The following TBC1D32 variants were observed in gnomAD, a reference collection of about 807,000 sequenced individuals.
The protein encoded by TBC1D32 is TBC1 domain family member 32, also known as protein broad-minded.
TBC1D32 carries 151 observed loss-of-function variants against 170.3 expected under a neutral mutation model. The ratio of observed to expected loss-of-function variants is 0.89; its 90% CI spans 0.78 to 1.01. The LOEUF is 1.01. Among genes scored for constraint, TBC1D32 ranks in the 50% least tolerant of loss-of-function variants. TBC1D32 has a pLI of 0.00. For synonymous variants in TBC1D32, 498 were observed against 488.0 expected (o/e 1.02, Z -0.27); for missense variants, 1,464 against 1,457.1 (o/e 1.00, Z -0.08).
chr6:121,080,832 T>G lies in TBC1D32; in HGVS notation c.3713A>C (p.Glu1238Ala), dbSNP rs770444598. The G allele has an allele frequency of 1.9e-6, 3 of 1,613,954 alleles. No individual in the cohort carries two copies. In the East Asian group the frequency reaches 6.7e-5, roughly 36 times the overall value. Residue 1238 changes from glutamate to alanine, a missense_variant, in exon 32 of 32, where the codon GAA becomes GCA. Physicochemically the swap from Glu to Ala is moderately radical, Grantham distance 107. Around this residue, in one of 3 missense-constraint regions of TBC1D32, gnomAD observed 97 missense variants for 102.0 expected, o/e 0.95. Transcript: ENST00000398212. Reference protein sequence around the residue: ...SDYFEYMEILEQNYRTVLLRD... With the variant: ...SDYFEYMEILAQNYRTVLLRD... The stretch of plus-strand genomic sequence containing the variant: ...CAGCAGCACTGTTCGGTAGTTTTGT[T>G]CCAAAATTTCCATGTATTCAAAATA...
At chr6:121,205,031 TG>T in intron 22 of TBC1D32, 43 bp downstream of exon 22, 1 of 1,155,986 alleles carries the variant, frequency 8.7e-7, no homozygotes, top group African/African-American at 1.6e-5. Flanking sequence ...TTATTTTTTG[TG>T]GAACATAAAA....
chr6:121,092,921 T>A (rs1005321348), intron 30 of TBC1D32, among the ~76,000 whole-genome samples: 1 of 152,166 alleles, frequency 6.6e-6, no homozygotes, highest in East Asian at 1.9e-4. Flanking sequence ...ATTGAATTTT[T>A]GTTTTCCAGA....
At chr6:121,092,407 T>C (rs1223481076) in intron 30 of TBC1D32, among the ~76,000 whole-genome samples, 1 of 151,070 alleles carries the variant, frequency 6.6e-6, no homozygotes, top group Non-Finnish European at 1.5e-5. Context: ...ATACAAAATT[T>C]CCTTTTGTTT....
chr6:121,102,876 C>T (rs1482765308), intron 30 of TBC1D32, among the ~76,000 whole-genome samples: 1 of 152,108 alleles, frequency 6.6e-6, no homozygotes, highest in Non-Finnish European at 1.5e-5. Context: ...CTACAAAGAA[C>T]TCAAACAAAC....
intron 14 of TBC1D32, among the ~76,000 whole-genome samples, chr6:121,280,399 A>G (rs776489894): frequency 8.6e-5 from 13 of 151,830 alleles, no homozygotes; most frequent in African/African-American, 1.2e-4. Flanking sequence ...TAGAGGTTCA[A>G]TGGTTGATGC....
rs769667678 is a variant in TBC1D32 at position 121,113,119 on chromosome 6, A to G, written c.3112T>C (p.Leu1038=). The change falls in exon 28 of 32, where the codon TTA becomes CTA. Residue 1038 remains leucine (L), a synonymous_variant. Transcript: ENST00000398212. ...TTCAGGAATCTCTCACAATGCTTTAAAACCCAGGTAAGATCATTTTCTGCA... is the reference window on the plus strand; with the variant it reads ...TTCAGGAATCTCTCACAATGCTTTAGAACCCAGGTAAGATCATTTTCTGCA... ...DGAENDLTWV[L]KHCERFLKQQ... 3 of 1,612,300 alleles carry G rather than the reference A, an allele frequency of 1.9e-6. No homozygotes were observed. The highest frequency in any genetic ancestry group is 2.7e-5 in the African/African-American group (2 of 74,842).
chr6:121,198,805 G>A (rs759425923), intron 22 of TBC1D32, among the ~76,000 whole-genome samples: 4 of 151,244 alleles, frequency 2.6e-5, no homozygotes, highest in Admixed American at 6.6e-5. Context: ...TAGATAAAAT[G>A]GAGGGTGAAC....
At chr6:121,287,745 G>T (rs1804113465) in intron 12 of TBC1D32, among the ~76,000 whole-genome samples, 1 of 152,078 alleles carries the variant, frequency 6.6e-6, no homozygotes, top group South Asian at 2.1e-4. Context: ...TGACCACATA[G>T]TTGGAAGTAA....
chr6:121,207,825 G>T, intron 21 of TBC1D32, among the ~76,000 whole-genome samples: 1 of 152,164 alleles, frequency 6.6e-6, no homozygotes, highest in East Asian at 1.9e-4. Context: ...ATATGTTTGA[G>T]TGCCTACTGT....
chr6:121,146,862 C>T (rs1348133699), intron 24 of TBC1D32, among the ~76,000 whole-genome samples: 1 of 152,106 alleles, frequency 6.6e-6, no homozygotes, highest in Non-Finnish European at 1.5e-5. Context: ...TACAGGGTTG[C>T]TATATGGGTA....
intron 20 of TBC1D32, among the ~76,000 whole-genome samples, chr6:121,238,132 T>G (rs369964198): frequency 2.5e-4 from 38 of 152,194 alleles, no homozygotes; most frequent in African/African-American, 8.9e-4. Flanking sequence ...GTCCCCTCTG[T>G]GGGTCTATTT....
chr6:121,197,718 G>A (rs6939061), intron 22 of TBC1D32, among the ~76,000 whole-genome samples: 4,158 of 152,230 alleles, frequency 0.027, 152 homozygotes, highest in African/African-American at 0.087. Flanking sequence ...TGAAGATTAT[G>A]TATAATCTCA....
At chr6:121,312,345 G>T (rs1378508646) in intron 3 of TBC1D32, among the ~76,000 whole-genome samples, 1 of 152,096 alleles carries the variant, frequency 6.6e-6, no homozygotes, top group Admixed American at 6.5e-5. Context: ...ATGTATCCCA[G>T]AACTTAAAGT....
At chr6:121,311,826 C>T (rs1476939324) in intron 3 of TBC1D32, among the ~76,000 whole-genome samples, 1 of 151,968 alleles carries the variant, frequency 6.6e-6, no homozygotes, top group South Asian at 2.1e-4. Context: ...ATTAGTTCAA[C>T]CATTGTGGAA....
At chr6:121,229,575 C>A (rs1795481870) in intron 20 of TBC1D32, among the ~76,000 whole-genome samples, 1 of 152,034 alleles carries the variant, frequency 6.6e-6, no homozygotes, top group African/African-American at 2.4e-5. Context: ...GTGGTTTATT[C>A]TTTCATTAGA....
At chr6:121,097,817 C>A (rs998993946) in intron 30 of TBC1D32, among the ~76,000 whole-genome samples, 1 of 152,030 alleles carries the variant, frequency 6.6e-6, no homozygotes, top group Non-Finnish European at 1.5e-5. Context: ...TGATAATAGA[C>A]TGGATTAGGA....
chr6:121,255,313 A>G lies in TBC1D32; in HGVS notation c.2018+15T>C. 1 of 1,473,552 alleles carries G rather than the reference A, an allele frequency of 6.8e-7. No homozygotes were observed. The highest frequency in any genetic ancestry group is 9.3e-7 in the Non-Finnish European group (1 of 1,078,208). 91.3% of individuals were successfully genotyped at this position (1,473,552 alleles called of 1,614,324 possible). ...CAAATATAATAAATGCATGACTTTC[A>G]TCAATTGTACTTACATGTTTTGGGA... is the stretch of plus-strand genomic sequence containing the variant. On this transcript the variant is annotated intron_variant, in intron 17 of 31. Transcript: ENST00000398212.
intron 22 of TBC1D32, among the ~76,000 whole-genome samples, chr6:121,197,764 A>G (rs1229856043): frequency 1.3e-5 from 2 of 152,132 alleles, no homozygotes; most frequent in Non-Finnish European, 2.9e-5. Context: ...CAACAGGTGG[A>G]CTTGTGATGG....
chr6:121,162,537 T>C (rs938319076), intron 22 of TBC1D32, among the ~76,000 whole-genome samples: 8 of 152,102 alleles, frequency 5.3e-5, no homozygotes, highest in African/African-American at 1.7e-4. Context: ...AACATAGTAT[T>C]GGAAATTCTA....
Sources: gnomAD v4.1 joint callset for allele counts (sites outside exome capture counted in the v4.1 genomes callset) on GRCh38, gnomAD v4.1.1 for gene constraint, gnomAD v4.1.1 regional missense constraint, MANE v1.5 for transcripts, NCBI Gene and HGNC (gene_info 2026-07-23, HGNC 2026-07-21) for gene names.